Variants in SYT9 observed in about 807,000 individuals in gnomAD.
SYT9 encodes the protein synaptotagmin-9.
A neutral mutation model predicts 48.4 loss-of-function variants in SYT9; 22 were observed. The ratio of observed to expected loss-of-function variants is 0.45; its 90% confidence interval spans 0.32 to 0.65. SYT9 has a LOEUF of 0.65. Among genes scored for constraint, SYT9 ranks in the 30% least tolerant of loss-of-function variants. SYT9 has a pLI of 0.03. For missense variants in SYT9, 577 were observed against 622.0 expected (o/e 0.93, Z 0.77); for synonymous variants, 265 against 245.0 (o/e 1.08, Z -0.76).
intron 3 of SYT9, among the ~76,000 whole-genome samples, chr11:7,395,074 G>A (rs879367415): frequency 5.9e-5 from 9 of 151,842 alleles, no homozygotes; most frequent in Non-Finnish European, 1.3e-4. Context: ...TACATCAGTA[G>A]GTTCTTTAGT....
rs367676570 is a variant in SYT9, at chr11:7,407,371, T to G, written c.1045-8671T>G. Among the ~76,000 whole-genome samples, 246 of 42,314 alleles carry G rather than the reference T, an allele frequency of 5.8e-3. 6 individuals are homozygous for G. The highest frequency in any genetic ancestry group is 0.029 in the African/African-American group (58 of 2,030). The allele number at this position is 42,314 out of a possible 152,430, so 27.8% of individuals were successfully genotyped here. Reference sequence around the variant, plus strand: ...TGTTTAAGTCTATAATTTTTTTTTTTTTTTTTTTTTTTTTTTTTTTGAGAC... The same window carrying G: ...TGTTTAAGTCTATAATTTTTTTTTTGTTTTTTTTTTTTTTTTTTTTGAGAC... On this transcript the variant is annotated intron_variant, in intron 3 of 6. Transcript: ENST00000318881.
chr11:7,405,290 A>C (rs560928976), intron 3 of SYT9, among the ~76,000 whole-genome samples: 1 of 152,146 alleles, frequency 6.6e-6, no homozygotes. Context: ...AGCTCTACCC[A>C]CTAGATATCA....
chr11:7,374,987 T>A (rs1323629853), intron 3 of SYT9, among the ~76,000 whole-genome samples: 1 of 152,238 alleles, frequency 6.6e-6, no homozygotes, highest in African/African-American at 2.4e-5. Context: ...AGTCATGAAG[T>A]CTTTGCCCAT....
chr11:7,315,902 G>C (rs1849234934), intron 3 of SYT9, among the ~76,000 whole-genome samples: 1 of 152,204 alleles, frequency 6.6e-6, no homozygotes, highest in Non-Finnish European at 1.5e-5. Flanking sequence ...ACAGGCTTCA[G>C]ATTTCTCAGT....
intron 6 of SYT9, among the ~76,000 whole-genome samples, chr11:7,426,482 C>A (rs1847460165): frequency 6.6e-6 from 1 of 152,192 alleles, no homozygotes; most frequent in South Asian, 2.1e-4. Context: ...ATTCTAACAA[C>A]CAATACTCTC....
intron 1 of SYT9, among the ~76,000 whole-genome samples, chr11:7,266,257 G>A (rs913260780): frequency 3.3e-5 from 5 of 152,004 alleles, no homozygotes; most frequent in African/African-American, 9.6e-5. Flanking sequence ...GTAATATCCC[G>A]AATTTATAGG....
intron 3 of SYT9, among the ~76,000 whole-genome samples, chr11:7,367,498 A>G (rs191926408): frequency 1.2e-3 from 186 of 152,224 alleles, no homozygotes; most frequent in Admixed American, 1.9e-3. Context: ...TTGCTTGCTA[A>G]TGTAATAGAC....
upstream of SYT9, among the ~76,000 whole-genome samples, chr11:7,251,396 T>C (rs1263472498): frequency 1.3e-5 from 2 of 152,144 alleles, no homozygotes; most frequent in Non-Finnish European, 2.9e-5. Flanking sequence ...AGCCTCCACC[T>C]TCTCCATCCA....
chr11:7,388,301 C>G (rs72846015), intron 3 of SYT9, among the ~76,000 whole-genome samples: 6,791 of 152,054 alleles, frequency 0.045, 383 homozygotes, highest in African/African-American at 0.13. Context: ...TTGTAAAATT[C>G]TTTTATCTTT....
chr11:7,468,086 C>T lies in SYT9; in HGVS notation c.*1286C>T, dbSNP rs1370058453. On this transcript the variant is annotated 3_prime_UTR_variant, in exon 7 of 7. Transcript: ENST00000318881. ...GGTCCTCTCTGTCCCATTATAGGTG[C>T]AAGGCACCCCATCCACACATTTGCA... is the stretch of plus-strand genomic sequence containing the variant. The T allele has an allele frequency of 1.0e-5, 4 of 391,742 alleles. No individual in the cohort carries two copies. The highest frequency in any genetic ancestry group is 1.4e-5 in the Non-Finnish European group (3 of 222,118). 24.3% of individuals were successfully genotyped at this position (391,742 alleles called of 1,614,324 possible).
chr11:7,432,053 C>T (rs1269198912), intron 6 of SYT9, among the ~76,000 whole-genome samples: 1 of 152,218 alleles, frequency 6.6e-6, no homozygotes, highest in African/African-American at 2.4e-5. Flanking sequence ...CCCCAGACCT[C>T]AGAATGGTAG....
rs1018710921 is a variant in SYT9 at position 7,314,014 on chromosome 11, T to G, written c.1044+73T>G. 4.0e-6 allele frequency: 6 copies of G among 1,503,042 alleles called. No individual in the cohort carries two copies. The African/African-American group carries it at 6.9e-5, about 17-fold the overall frequency. The allele number at this position is 1,503,042 out of a possible 1,614,324, so 93.1% of individuals were successfully genotyped here. ...GCAAGGAAACAGATTACTTACACAT[T>G]ATCTTGAGGACAAAGTGTAAAATTC... On this transcript the variant is annotated intron_variant, in intron 3 of 6. Transcript: ENST00000318881.
intron 3 of SYT9, among the ~76,000 whole-genome samples, chr11:7,378,118 C>CA (rs3086248): frequency 0.4 from 56,800 of 143,532 alleles, 11,397 homozygotes; most frequent in Non-Finnish European, 0.42. Context: ...TTCAAAGATA[C>CA]AAAAAAAAAA....
chr11:7,322,041 G>A (rs1330547267), intron 3 of SYT9, among the ~76,000 whole-genome samples: 2 of 152,142 alleles, frequency 1.3e-5, no homozygotes, highest in African/African-American at 2.4e-5. Flanking sequence ...TTTTAAGGTT[G>A]TGTTACATTC....
At chr11:7,466,283 A>G (rs1248644755) in intron 6 of SYT9, among the ~76,000 whole-genome samples, 4 of 152,144 alleles carry the variant, frequency 2.6e-5, no homozygotes, top group East Asian at 3.9e-4. Context: ...CTCCCTTCCC[A>G]TTGCCCCTGC....
chr11:7,305,823 T>G (rs1849020742), intron 2 of SYT9, among the ~76,000 whole-genome samples: 1 of 152,176 alleles, frequency 6.6e-6, no homozygotes, highest in Non-Finnish European at 1.5e-5. Flanking sequence ...AGCCTCCATT[T>G]AAAGGTGTCT....
At chr11:7,362,900 A>G (rs981954913) in intron 3 of SYT9, among the ~76,000 whole-genome samples, 2 of 141,188 alleles carry the variant, frequency 1.4e-5, no homozygotes, top group Admixed American at 1.4e-4. Context: ...TTTCTAGTTA[A>G]TATGTTAAAT....
At chr11:7,286,410 G>T (rs890364608) in intron 1 of SYT9, among the ~76,000 whole-genome samples, 4 of 152,198 alleles carry the variant, frequency 2.6e-5, no homozygotes, top group East Asian at 3.9e-4. Flanking sequence ...AGCAGGGGGG[G>T]CCCAGGACCT....
intron 3 of SYT9, among the ~76,000 whole-genome samples, chr11:7,364,256 T>A (rs1850200625): frequency 6.6e-6 from 1 of 152,208 alleles, no homozygotes; most frequent in Non-Finnish European, 1.5e-5. Flanking sequence ...TTTGTAGTGA[T>A]GTTGGCAGCG....
Sources: allele counts gnomAD v4.1 joint callset (sites outside exome capture counted in the v4.1 genomes callset), GRCh38; gene constraint gnomAD v4.1.1; transcripts MANE v1.5; gene names NCBI Gene and HGNC (gene_info 2026-07-23, HGNC 2026-07-21).